Variants in SDK1 observed in about 807,000 individuals in gnomAD.
SDK1 encodes the protein sidekick cell adhesion molecule 1, also known as protein sidekick-1.
In SDK1, 157 loss-of-function variants were observed where a neutral mutation model predicts 245.5. The observed-to-expected ratio is 0.64, with a 90% confidence interval of 0.56 to 0.73. The LOEUF is 0.73. SDK1 is among the 30% of genes least tolerant of loss of function. The probability of loss-of-function intolerance (pLI) is 0.00; values close to 1 mark genes in which losing one functional copy is unlikely to be tolerated. For missense variants in SDK1, 3,583 were observed against 3,002.3 expected (o/e 1.19, Z -4.52); for synonymous variants, 1,647 against 1,278.5 (o/e 1.29, Z -6.15).
chr7:4,088,253 C>A (rs1781552076), intron 22 of SDK1, among the ~76,000 whole-genome samples: 3 of 152,188 alleles, frequency 2.0e-5, no homozygotes, highest in African/African-American at 7.2e-5. Flanking sequence ...GAATTCATAT[C>A]ATCTGTTAAT....
intron 5 of SDK1, among the ~76,000 whole-genome samples, chr7:3,947,784 G>C (rs1392330293): frequency 6.6e-6 from 1 of 151,882 alleles, no homozygotes; most frequent in Non-Finnish European, 1.5e-5. Context: ...TGAGCTAAAA[G>C]CTCATCTGTT....
chr7:4,075,002 C>G (rs954262256), intron 20 of SDK1, among the ~76,000 whole-genome samples: 4 of 149,894 alleles, frequency 2.7e-5, no homozygotes, highest in Admixed American at 1.3e-4. Flanking sequence ...CTTCTCCCCT[C>G]TCCCTGGGAG....
chr7:3,531,100 C>G (rs1002094806), intron 1 of SDK1, among the ~76,000 whole-genome samples: 1 of 152,178 alleles, frequency 6.6e-6, no homozygotes, highest in Non-Finnish European at 1.5e-5. Context: ...CAAGATTTGA[C>G]TAATATGAAC....
chr7:3,421,065 T>A (rs879184553), intron 1 of SDK1, among the ~76,000 whole-genome samples: 1 of 152,020 alleles, frequency 6.6e-6, no homozygotes, highest in Admixed American at 6.6e-5. Flanking sequence ...TCAATTTTTT[T>A]TTTTTTAACA....
At chr7:3,388,777 A>T (rs557251740) in intron 1 of SDK1, among the ~76,000 whole-genome samples, 1 of 151,018 alleles carries the variant, frequency 6.6e-6, no homozygotes. Flanking sequence ...TTTAAATGAG[A>T]TTTCTGTCAC....
At chr7:4,045,568 T>G (rs1459904223) in intron 17 of SDK1, among the ~76,000 whole-genome samples, 4 of 152,156 alleles carry the variant, frequency 2.6e-5, no homozygotes, top group African/African-American at 9.7e-5. Flanking sequence ...TTATGTGAAC[T>G]TTTACATGTC....
intron 5 of SDK1, among the ~76,000 whole-genome samples, chr7:3,913,246 C>G (rs1779243625): frequency 1.3e-5 from 2 of 151,964 alleles, no homozygotes; most frequent in African/African-American, 4.8e-5. Context: ...CTTCTTGCCT[C>G]CTGGCCCTTC....
rs371893938 is a variant in SDK1, at chr7:4,181,857, C to A, written c.5098+3271C>A. 3.9e-5 allele frequency among the ~76,000 whole-genome samples: 6 copies of A among 152,380 alleles called. No homozygotes were observed. In the East Asian group the frequency reaches 9.6e-4, roughly 24 times the overall value. On this transcript the variant is annotated intron_variant, in intron 35 of 44. Transcript: ENST00000404826. ...CCGGTTCCCACAGCATCACACCCAC[C>A]CAGAGTGCCCTGTGCAGCCCCTCCA... is the stretch of plus-strand genomic sequence containing the variant.
chr7:3,972,287 G>T (rs1247836372), intron 12 of SDK1, among the ~76,000 whole-genome samples: 1 of 152,198 alleles, frequency 6.6e-6, no homozygotes, highest in Non-Finnish European at 1.5e-5. Flanking sequence ...CACCATGTTA[G>T]CCAGGATGGT....
intron 32 of SDK1, among the ~76,000 whole-genome samples, chr7:4,166,330 A>C (rs1781498264): frequency 6.6e-6 from 1 of 152,238 alleles, no homozygotes; most frequent in African/African-American, 2.4e-5. Context: ...GAGGGGACTG[A>C]GGCAGGCCAC....
chr7:3,409,541 G>A (rs1054049971), intron 1 of SDK1, among the ~76,000 whole-genome samples: 1 of 152,128 alleles, frequency 6.6e-6, no homozygotes, highest in African/African-American at 2.4e-5. Context: ...TGTACATTTA[G>A]TGAAGTTTGT....
In SDK1 at chr7:4,042,005, G is replaced by A. The variant is rs1455590505; in HGVS notation, c.2603-7343G>A. On this transcript the variant is annotated intron_variant, in intron 17 of 44. Coordinates refer to ENST00000404826, the MANE Select transcript of SDK1 (RefSeq NM_152744.4). Reference sequence around the variant, plus strand: ...ATTTTTGTGTTTTTAGTAGAGGTGGGGTTTCATCATGTTGGCCCGGATGGT... The same window carrying A: ...ATTTTTGTGTTTTTAGTAGAGGTGGAGTTTCATCATGTTGGCCCGGATGGT... Among the ~76,000 whole-genome samples, 23 of 135,130 alleles carry A rather than the reference G, an allele frequency of 1.7e-4. 2 individuals carry two copies. Among genetic ancestry groups the A allele is most frequent in the Admixed American group, 1.6e-3 (23 of 14,448 alleles). 88.7% of individuals were successfully genotyped at this position (135,130 alleles called of 152,430 possible).
chr7:3,404,347 G>A lies in SDK1; in HGVS notation c.298+102463G>A, dbSNP rs560705043. Among the ~76,000 whole-genome samples, 6 of 152,222 alleles carry A rather than the reference G, an allele frequency of 3.9e-5. No individual in the cohort carries two copies. In the South Asian group the frequency reaches 1.0e-3, roughly 26 times the overall value. ...CTGCAAACAGTAGATTTCTTCCGGTGTATGGCTTTGTCATTGTTATCACTG... is the reference window on the plus strand; with the variant it reads ...CTGCAAACAGTAGATTTCTTCCGGTATATGGCTTTGTCATTGTTATCACTG... On this transcript the variant is annotated intron_variant, in intron 1 of 44. Coordinates refer to ENST00000404826, the MANE Select transcript of SDK1 (RefSeq NM_152744.4).
intron 25 of SDK1, among the ~76,000 whole-genome samples, chr7:4,124,666 C>G (rs550403356): frequency 6.6e-6 from 1 of 152,344 alleles, no homozygotes; most frequent in African/African-American, 2.4e-5. Flanking sequence ...TAACAAAGAT[C>G]AAACTACTCT....
intron 22 of SDK1, among the ~76,000 whole-genome samples, chr7:4,100,469 C>T (rs929753167): frequency 2.8e-4 from 43 of 151,980 alleles, no homozygotes; most frequent in Admixed American, 1.5e-3. Flanking sequence ...ACTGAGCGTG[C>T]CCCCAATTCC....
chr7:3,674,177 T>C (rs965311270), intron 4 of SDK1, among the ~76,000 whole-genome samples: 2 of 152,132 alleles, frequency 1.3e-5, no homozygotes, highest in Non-Finnish European at 2.9e-5. Flanking sequence ...CACTAAAAGA[T>C]AAGGGAAAGA....
chr7:3,528,300 G>T lies in SDK1; in HGVS notation c.299-90780G>T, dbSNP rs544394371. ...AGGTTGGATCATAGCCAGCTAGGGG[G>T]TGAATGGTAGGAGGTAAGGTTGGAT... On this transcript the variant is annotated intron_variant, in intron 1 of 44. Coordinates refer to ENST00000404826, the MANE Select transcript of SDK1 (RefSeq NM_152744.4). Among the ~76,000 whole-genome samples, 16 of 148,862 alleles carry T rather than the reference G, an allele frequency of 1.1e-4. No homozygotes were observed. The South Asian group carries it at 3.4e-3, about 32-fold the overall frequency.
At chr7:3,443,839 T>C (rs1209894769) in intron 1 of SDK1, among the ~76,000 whole-genome samples, 1 of 152,204 alleles carries the variant, frequency 6.6e-6, no homozygotes, top group African/African-American at 2.4e-5. Flanking sequence ...CCATTGGAAG[T>C]TGTATAATAA....
chr7:3,808,200 C>T (rs571027330), intron 4 of SDK1, among the ~76,000 whole-genome samples: 1 of 152,310 alleles, frequency 6.6e-6, no homozygotes, highest in Admixed American at 6.5e-5. Context: ...GTGGAACGTG[C>T]CCTCCTCATC....
Sources: allele counts gnomAD v4.1 joint callset (sites outside exome capture counted in the v4.1 genomes callset), GRCh38; gene constraint gnomAD v4.1.1; transcripts MANE v1.5; gene names NCBI Gene and HGNC (gene_info 2026-07-23, HGNC 2026-07-21).